COL25A1: variants seen among roughly 807,000 people sequenced by gnomAD.
COL25A1 encodes the protein collagen alpha-1(XXV) chain.
Under a neutral mutation model 128.4 loss-of-function variants are expected in COL25A1, and 103 were observed. The ratio of observed to expected loss-of-function variants is 0.80; its 90% confidence interval spans 0.68 to 0.94. The LOEUF is 0.94. COL25A1 is among the 40% of genes least tolerant of loss of function. COL25A1 has a pLI of 0.00. For synonymous variants in COL25A1, 279 were observed against 277.2 expected (o/e 1.01, Z -0.06); for missense variants, 745 against 840.0 (o/e 0.89, Z 1.40).
chr4:109,203,123 TAC>T (rs1683570912), intron 3 of COL25A1, among the ~76,000 whole-genome samples: 1 of 151,998 alleles, frequency 6.6e-6, no homozygotes, highest in African/African-American at 2.4e-5. Flanking sequence ...CACAAAACCA[TAC>T]CATACTGAAA....
intron 3 of COL25A1, among the ~76,000 whole-genome samples, chr4:109,277,032 C>A (rs1429193684): frequency 6.6e-6 from 1 of 152,176 alleles, no homozygotes; most frequent in Non-Finnish European, 1.5e-5. Context: ...ATTCATTGCT[C>A]CCGCCTGGAA....
Position 109,301,936 on chromosome 4 carries a change from G to C in COL25A1, c.84C>G (p.Ala28=), listed in dbSNP as rs767325718. Residue 28 remains alanine (A), a synonymous_variant, in exon 2 of 38, where the codon GCC becomes GCG. Transcript: ENST00000399132. ...EDPTPAEQHC[A]RTMPPCAVLA... ...GGACGGCACACGGGGGCATGGTCCG[G>C]GCACAATGCTGTTCGGCAGGGGTCG... 13 of 1,613,866 alleles carry C rather than the reference G, an allele frequency of 8.1e-6. No homozygotes were observed. In the South Asian group the frequency reaches 1.2e-4, roughly 15 times the overall value.
chr4:109,135,319 C>A (rs1769625287), intron 3 of COL25A1, among the ~76,000 whole-genome samples: 1 of 152,108 alleles, frequency 6.6e-6, no homozygotes, highest in South Asian at 2.1e-4. Flanking sequence ...TATATTAATT[C>A]TTTCTGGCTG....
chr4:109,067,298 T>G (rs893266367), intron 3 of COL25A1, among the ~76,000 whole-genome samples: 3 of 152,152 alleles, frequency 2.0e-5, no homozygotes, highest in African/African-American at 7.2e-5. Context: ...ATAGAAATAA[T>G]CTCAATAACT....
intron 3 of COL25A1, among the ~76,000 whole-genome samples, chr4:109,087,293 A>T (rs1407088832): frequency 6.6e-6 from 1 of 152,148 alleles, no homozygotes; most frequent in Non-Finnish European, 1.5e-5. Flanking sequence ...AGCAGCACGT[A>T]CAAGAAACCT....
intron 3 of COL25A1, among the ~76,000 whole-genome samples, chr4:109,056,580 A>G (rs934145086): frequency 2.6e-5 from 4 of 152,130 alleles, no homozygotes; most frequent in Non-Finnish European, 5.9e-5. Flanking sequence ...ATATGCAGAA[A>G]CTATGTTCAC....
intron 8 of COL25A1, among the ~76,000 whole-genome samples, chr4:108,970,734 C>T (rs183302733): frequency 6.4e-4 from 97 of 152,300 alleles, no homozygotes; most frequent in Middle Eastern, 3.4e-3. Context: ...TGGGTCACCA[C>T]CATTAAATGC....
chr4:109,248,420 A>C (rs1379620079), intron 3 of COL25A1, among the ~76,000 whole-genome samples: 3 of 152,160 alleles, frequency 2.0e-5, no homozygotes, highest in Non-Finnish European at 2.9e-5. Context: ...GTGTTGATGA[A>C]GTCCCCTGTT....
At chr4:109,206,226 C>G (rs1411508053) in intron 3 of COL25A1, among the ~76,000 whole-genome samples, 1 of 152,054 alleles carries the variant, frequency 6.6e-6, no homozygotes, top group Admixed American at 6.6e-5. Flanking sequence ...ATACTAAAGA[C>G]AGGTTCAGAT....
rs7658395 is a variant in COL25A1, at chr4:109,006,225, G to A, written c.438+4133C>T. On this transcript the variant is annotated intron_variant, in intron 6 of 37. Transcript: ENST00000399132. ...CCATAACAAGCTTCTAATTTTGTGGGGGGGTGGCGGGTGGGTCTCACTCTG... is the reference window on the plus strand; with the variant it reads ...CCATAACAAGCTTCTAATTTTGTGGAGGGGTGGCGGGTGGGTCTCACTCTG... Among the ~76,000 whole-genome samples the A allele has an allele frequency of 1.8e-3, 279 of 151,512 alleles. 2 individuals carry two copies. The highest frequency in any genetic ancestry group is 6.3e-3 in the African/African-American group (261 of 41,326).
intron 18 of COL25A1, 50 bp from the exon 19 acceptor site, chr4:108,884,272 A>G (rs757671216): frequency 7.7e-5 from 116 of 1,515,600 alleles, no homozygotes; most frequent in Non-Finnish European, 1.0e-4. Flanking sequence ...ACTCAGTCAC[A>G]ATATGTGGAG....
At chr4:109,263,515 T>C (rs1781581802) in intron 3 of COL25A1, among the ~76,000 whole-genome samples, 1 of 152,230 alleles carries the variant, frequency 6.6e-6, no homozygotes, top group South Asian at 2.1e-4. Context: ...AATGAGTTTA[T>C]ATTAAAGCAG....
intron 12 of COL25A1, among the ~76,000 whole-genome samples, chr4:108,919,407 G>C (rs1578766677): frequency 6.6e-6 from 1 of 152,094 alleles, no homozygotes; most frequent in East Asian, 1.9e-4. Context: ...TATTGCAAAG[G>C]ACAAAATGTT....
chr4:108,927,573 A>C (rs1746218460), intron 11 of COL25A1, among the ~76,000 whole-genome samples: 1 of 152,174 alleles, frequency 6.6e-6, no homozygotes, highest in African/African-American at 2.4e-5. Flanking sequence ...TTATTTGAAA[A>C]AGTTCCTCTA....
intron 3 of COL25A1, among the ~76,000 whole-genome samples, chr4:109,062,070 T>C (rs1200588458): frequency 6.6e-6 from 1 of 152,158 alleles, no homozygotes; most frequent in Non-Finnish European, 1.5e-5. Context: ...AAAGAAAACA[T>C]ACACCAAAAT....
At chr4:108,889,344 C>G (rs1741203100) in intron 17 of COL25A1, 88 bp from the exon 18 acceptor site, 3 of 1,210,530 alleles carry the variant, frequency 2.5e-6, no homozygotes, top group Non-Finnish European at 3.6e-6. Flanking sequence ...ACAGGGATGG[C>G]CTAGCCCCCT....
intron 3 of COL25A1, among the ~76,000 whole-genome samples, chr4:109,120,925 C>T (rs1367741160): frequency 6.6e-6 from 1 of 151,750 alleles, no homozygotes; most frequent in East Asian, 1.9e-4. Context: ...AGGAAAACTA[C>T]AAAACTCTGA....
intron 14 of COL25A1, among the ~76,000 whole-genome samples, chr4:108,900,716 A>T (rs1197481817): frequency 6.6e-6 from 1 of 152,124 alleles, no homozygotes; most frequent in Admixed American, 6.6e-5. Context: ...GAGGTGGCCA[A>T]ATCTTGGGGA....
intron 3 of COL25A1, among the ~76,000 whole-genome samples, chr4:109,265,225 T>C (rs1486018398): frequency 6.6e-6 from 1 of 152,182 alleles, no homozygotes. Flanking sequence ...GTTTTAACTC[T>C]CCTATTCTAT....
Sources: allele counts gnomAD v4.1 joint callset (sites outside exome capture counted in the v4.1 genomes callset), GRCh38; gene constraint gnomAD v4.1.1; transcripts MANE v1.5; gene names NCBI Gene and HGNC (gene_info 2026-07-23, HGNC 2026-07-21).